MS4A4E: variants seen among roughly 807,000 people sequenced by gnomAD.
MS4A4E encodes putative membrane-spanning 4-domains subfamily A member 4E.
Under a neutral mutation model 13.3 loss-of-function variants are expected in MS4A4E, and 23 were observed. That is an observed-to-expected ratio of 1.73 (90% CI 1.25 to 2.45). The LOEUF (loss-of-function observed/expected upper bound fraction) is 2.45, where lower values mean the gene tolerates loss of function less well. MS4A4E is among the 30% of genes most tolerant of loss of function. The pLI is 0.00. For missense variants in MS4A4E, 144 were observed against 131.2 expected, an observed-to-expected ratio of 1.10 and a Z score of -0.48; for synonymous variants, 36 against 45.6, an observed-to-expected ratio of 0.79 and a Z score of 0.85.
At chr11:60,215,259 T>C (rs942146531) in intron 3 of MS4A4E, among the ~76,000 whole-genome samples, 4 of 151,934 alleles carry the variant, frequency 2.6e-5, no homozygotes, top group African/African-American at 9.7e-5. Flanking sequence ...ACTTCTTTAG[T>C]TTCCAAATAC....
At chr11:60,215,441 A>G (rs1048529525) in intron 3 of MS4A4E, among the ~76,000 whole-genome samples, 1 of 151,494 alleles carries the variant, frequency 6.6e-6, no homozygotes, top group African/African-American at 2.4e-5. Context: ...AAATAAATTT[A>G]AGAAAAACGT....
intron 8 of MS4A4E, among the ~76,000 whole-genome samples, chr11:60,203,932 T>C (rs953798813): frequency 3.0e-4 from 46 of 152,350 alleles, no homozygotes; most frequent in Admixed American, 3.0e-3. Flanking sequence ...GGCAGCCTTC[T>C]CTACAAGTTG....
chr11:60,233,247 T>C (rs1489367004), intron 1 of MS4A4E, among the ~76,000 whole-genome samples: 5 of 152,160 alleles, frequency 3.3e-5, no homozygotes, highest in African/African-American at 1.2e-4. Context: ...GTTAACACTA[T>C]GTGGCACTCC....
At chr11:60,234,254 T>A (rs894208286) in intron 1 of MS4A4E, among the ~76,000 whole-genome samples, 3 of 152,230 alleles carry the variant, frequency 2.0e-5, no homozygotes, top group African/African-American at 7.2e-5. Context: ...TTAGACTTGA[T>A]GCTAGAATGG....
At position 60,216,639 on chromosome 11, in the gene MS4A4E, A is replaced by G. The variant is rs150557091; in HGVS notation, c.179-2025T>C. Among the ~76,000 whole-genome samples, 913 of 151,238 alleles carry G rather than the reference A, an allele frequency of 6.0e-3. 5 individuals are homozygous for G. Among genetic ancestry groups the G allele is most frequent in the African/African-American group, 0.02 (823 of 41,338 alleles). ...TAGGTTATATATCATATGTATATAT[A>G]TATATTGCAACTTTCCAGAGATGGA... On this transcript the variant is annotated intron_variant, in intron 3 of 8. Coordinates refer to ENST00000651255, the MANE Select transcript of MS4A4E (RefSeq NM_001393391.1).
At position 60,212,717 on chromosome 11, in the gene MS4A4E, C is replaced by G. The variant is rs982684049; in HGVS notation, c.381+257G>C. Among the ~76,000 whole-genome samples, 20 of 152,270 alleles carry G rather than the reference C, an allele frequency of 1.3e-4. No homozygotes were observed. The South Asian group carries it at 3.5e-3, about 27-fold the overall frequency. Reference sequence around the variant, plus strand: ...AAAAATTTATGCAAAATGCCCAGCCCAGTAACTATTAAGGAGTAGGTGTTC... The same window carrying G: ...AAAAATTTATGCAAAATGCCCAGCCGAGTAACTATTAAGGAGTAGGTGTTC... On this transcript the variant is annotated intron_variant, in intron 5 of 8. Coordinates refer to ENST00000651255, the MANE Select transcript of MS4A4E (RefSeq NM_001393391.1).
intron 1 of MS4A4E, among the ~76,000 whole-genome samples, chr11:60,236,148 A>C (rs2084479618): frequency 6.6e-6 from 1 of 152,212 alleles, no homozygotes; most frequent in Non-Finnish European, 1.5e-5. Flanking sequence ...ATTCAATTCT[A>C]TTCCATTGTT....
At chr11:60,210,724 T>C (rs1311232683) in intron 5 of MS4A4E, among the ~76,000 whole-genome samples, 3 of 151,618 alleles carry the variant, frequency 2.0e-5, no homozygotes, top group Admixed American at 6.6e-5. Context: ...TGATGGGGCA[T>C]ACACTATGGG....
At chr11:60,242,917 T>C (rs2084568496) in intron 1 of MS4A4E, 41 bp downstream of exon 1, 2 of 1,440,772 alleles carry the variant, frequency 1.4e-6, no homozygotes, top group Non-Finnish European at 9.6e-7. Flanking sequence ...TGAAACAAAC[T>C]ATCAGTCCGA....
At chr11:60,219,872 GTAATT>G (rs1216648263) in intron 3 of MS4A4E, among the ~76,000 whole-genome samples, 1 of 152,212 alleles carries the variant, frequency 6.6e-6, no homozygotes. Flanking sequence ...TGGAGGTCAT[GTAATT>G]AATGGAGCTT....
At chr11:60,210,191 A>G (rs577298674) in intron 5 of MS4A4E, among the ~76,000 whole-genome samples, 1 of 152,258 alleles carries the variant, frequency 6.6e-6, no homozygotes, top group African/African-American at 2.4e-5. Flanking sequence ...TTTCAATAAA[A>G]CTTTATTTAC....
At position 60,242,970 on chromosome 11, in the gene MS4A4E, C is replaced by T. The variant is rs1590735722; in HGVS notation, c.-29G>A. On this transcript the variant is annotated 5_prime_UTR_variant, in exon 1 of 9. Coordinates refer to ENST00000651255, the MANE Select transcript of MS4A4E (RefSeq NM_001393391.1). Reference sequence around the variant, plus strand: ...TCCCTGGACCTACCTTTCTTCAGGCCTGCAATGTCTGCTGCAGGTCTGATG... The same window carrying T: ...TCCCTGGACCTACCTTTCTTCAGGCTTGCAATGTCTGCTGCAGGTCTGATG... 1 of 1,579,068 alleles carries T rather than the reference C, an allele frequency of 6.3e-7. No homozygotes were observed. Among genetic ancestry groups the T allele is most frequent in the East Asian group, 2.3e-5 (1 of 44,114 alleles).
At chr11:60,241,022 T>C (rs201499385) in intron 1 of MS4A4E, among the ~76,000 whole-genome samples, 63 of 131,778 alleles carry the variant, frequency 4.8e-4, no homozygotes, top group Non-Finnish European at 7.7e-4. Context: ...TATTTATTTA[T>C]TTACTTATTT....
intron 6 of MS4A4E, among the ~76,000 whole-genome samples, chr11:60,207,953 G>A (rs2084068839): frequency 6.6e-6 from 1 of 152,098 alleles, no homozygotes; most frequent in Non-Finnish European, 1.5e-5. Flanking sequence ...TGTTGTAATA[G>A]GATAATAGAA....
At chr11:60,236,196 A>C (rs1200546580) in intron 1 of MS4A4E, among the ~76,000 whole-genome samples, 3 of 152,218 alleles carry the variant, frequency 2.0e-5, no homozygotes, top group Admixed American at 6.5e-5. Context: ...ACACTGTCTT[A>C]AAATTATAGC....
At chr11:60,205,641 G>A (rs2084029660) in intron 7 of MS4A4E, among the ~76,000 whole-genome samples, 73 bp downstream of exon 7, 1 of 152,126 alleles carries the variant, frequency 6.6e-6, no homozygotes, top group African/African-American at 2.4e-5. Flanking sequence ...AGCTACATAG[G>A]TAGTAAACAA....
intron 1 of MS4A4E, among the ~76,000 whole-genome samples, chr11:60,238,082 A>C (rs939042174): frequency 3.3e-5 from 5 of 150,824 alleles, no homozygotes; most frequent in African/African-American, 9.8e-5. Flanking sequence ...TCTGCTTGCT[A>C]ATTTTTTTTT....
intron 3 of MS4A4E, among the ~76,000 whole-genome samples, chr11:60,223,229 T>C (rs778164953): frequency 1.3e-5 from 2 of 152,258 alleles, no homozygotes; most frequent in Non-Finnish European, 2.9e-5. Flanking sequence ...TGTGCATGTA[T>C]ACATTTGTAG....
At chr11:60,220,114 A>G (rs1189800150) in intron 3 of MS4A4E, among the ~76,000 whole-genome samples, 1 of 152,194 alleles carries the variant, frequency 6.6e-6, no homozygotes, top group Non-Finnish European at 1.5e-5. Context: ...ACAATATCCC[A>G]TCCCTGAAGG....
Sources: gnomAD v4.1 joint callset for allele counts (sites outside exome capture counted in the v4.1 genomes callset) on GRCh38, gnomAD v4.1.1 for gene constraint, MANE v1.5 for transcripts, NCBI Gene and HGNC (gene_info 2026-07-23, HGNC 2026-07-21) for gene names.